Variants in DLC1 observed in about 807,000 individuals in gnomAD.
DLC1 encodes the protein DLC1 Rho GTPase activating protein.
In DLC1, 54 loss-of-function variants were observed where a neutral mutation model predicts 140.3. The observed-to-expected ratio is 0.38, with a 90% CI of 0.31 to 0.48. The LOEUF is 0.48. Ranked by LOEUF, DLC1 falls within the 20% of genes least tolerant of loss-of-function variation. The pLI is 0.96. For missense variants in DLC1, 2,536 were observed against 1,907.0 expected (o/e 1.33, Z -6.14); for synonymous variants, 986 against 728.1 (o/e 1.35, Z -5.70).
intron 1 of DLC1, among the ~76,000 whole-genome samples, chr8:13,507,450 C>A (rs1030356565): frequency 2.0e-5 from 3 of 152,146 alleles, no homozygotes; most frequent in Non-Finnish European, 4.4e-5. Flanking sequence ...TTAAAATATT[C>A]ATGTTATCTA....
Position 13,326,837 on chromosome 8 carries a change from T to C in DLC1, c.1315-21535A>G, listed in dbSNP as rs1833368942. 2.6e-5 allele frequency among the ~76,000 whole-genome samples: 4 copies of C among 152,248 alleles called. No homozygotes were observed. In the South Asian group the frequency reaches 8.3e-4, roughly 31 times the overall value. Reference sequence around the variant, plus strand: ...GCTCTAGGAATCATATTTTGAGAAGTACCGAGCTAGGAGAACATGCTGGTG... The same window carrying C: ...GCTCTAGGAATCATATTTTGAGAAGCACCGAGCTAGGAGAACATGCTGGTG... On this transcript the variant is annotated intron_variant, in intron 4 of 17. Transcript: ENST00000276297.
Position 13,500,159 on chromosome 8 carries a change from C to G in DLC1, c.-88G>C, listed in dbSNP as rs1223688664. On this transcript the variant is annotated 5_prime_UTR_variant, in exon 2 of 18. Coordinates refer to ENST00000276297, the MANE Select transcript of DLC1 (RefSeq NM_182643.3). ...TTGATGAAAGATTATTTCAAAATCA[C>G]CAATCAAAGAAGCGAATGAGTTCTG... 6.5e-6 allele frequency: 8 copies of G among 1,235,426 alleles called. No homozygotes were observed. The highest frequency in any genetic ancestry group is 5.6e-6 in the Non-Finnish European group (5 of 891,478). 76.5% of individuals were successfully genotyped at this position (1,235,426 alleles called of 1,614,324 possible).
intron 5 of DLC1, among the ~76,000 whole-genome samples, chr8:13,158,749 C>CCCCCCCCCCCCA (rs1563120844): frequency 9.8e-6 from 1 of 102,386 alleles, no homozygotes; most frequent in Non-Finnish European, 2.0e-5. Context: ...CCCCCCCCCG[C>CCCCCCCCCCCCA]CCGCCACACA....
intron 5 of DLC1, among the ~76,000 whole-genome samples, chr8:13,172,702 T>C (rs1825551929): frequency 6.6e-6 from 1 of 152,196 alleles, no homozygotes; most frequent in South Asian, 2.1e-4. Context: ...GTGTGGTTGT[T>C]TCTGTTTCAG....
chr8:13,357,605 T>C (rs1387405803), intron 4 of DLC1, among the ~76,000 whole-genome samples: 1 of 152,204 alleles, frequency 6.6e-6, no homozygotes, highest in African/African-American at 2.4e-5. Flanking sequence ...TGTTTATGGT[T>C]TAGCAAGGGT....
chr8:13,307,987 A>G (rs762632697), intron 4 of DLC1, among the ~76,000 whole-genome samples: 3 of 152,218 alleles, frequency 2.0e-5, no homozygotes, highest in Non-Finnish European at 2.9e-5. Flanking sequence ...TGTATGAGAC[A>G]TTTAGGCATT....
At chr8:13,144,225 T>G (rs56835588) in intron 5 of DLC1, among the ~76,000 whole-genome samples, 4,272 of 152,252 alleles carry the variant, frequency 0.028, 197 homozygotes, top group African/African-American at 0.098. Context: ...TGGGGTTGGG[T>G]CACCATCTTG....
At chr8:13,498,056 A>C (rs79633931) in intron 2 of DLC1, among the ~76,000 whole-genome samples, 1 of 152,172 alleles carries the variant, frequency 6.6e-6, no homozygotes, top group African/African-American at 2.4e-5. Flanking sequence ...CAGAACAAAG[A>C]ACATTACTTT....
chr8:13,087,212 G>C (rs540127877), intron 16 of DLC1, among the ~76,000 whole-genome samples: 2 of 152,166 alleles, frequency 1.3e-5, no homozygotes, highest in Non-Finnish European at 2.9e-5. Context: ...GACCAGCCTG[G>C]ACAATATGGT....
At chr8:13,411,320 C>G (rs1178490055) in intron 2 of DLC1, among the ~76,000 whole-genome samples, 3 of 152,136 alleles carry the variant, frequency 2.0e-5, no homozygotes, top group Non-Finnish European at 4.4e-5. Context: ...GACGAGCTAT[C>G]TACTGAATAA....
chr8:13,212,088 A>G (rs1004525171), intron 5 of DLC1, among the ~76,000 whole-genome samples: 1 of 152,236 alleles, frequency 6.6e-6, no homozygotes, highest in Admixed American at 6.5e-5. Flanking sequence ...CAGTTTCAAC[A>G]AGTTATGTTA....
intron 1 of DLC1, among the ~76,000 whole-genome samples, chr8:13,502,112 A>G (rs142434121): frequency 6.4e-4 from 97 of 152,312 alleles, no homozygotes; most frequent in African/African-American, 2.3e-3. Flanking sequence ...GGCAAAAAGA[A>G]TTACACAAAA....
chr8:13,184,162 T>A (rs1041236505), intron 5 of DLC1, among the ~76,000 whole-genome samples: 2 of 152,196 alleles, frequency 1.3e-5, no homozygotes, highest in Non-Finnish European at 2.9e-5. Context: ...GGTGGTGATA[T>A]CCCCTTTATC....
intron 5 of DLC1, among the ~76,000 whole-genome samples, chr8:13,302,675 A>G (rs1292640419): frequency 2.6e-5 from 4 of 151,572 alleles, no homozygotes; most frequent in African/African-American, 9.7e-5. Context: ...GACTTTCTTA[A>G]TAAAGAACAA....
At chr8:13,600,718 A>G (rs1224744284) in intron 1 of DLC1, among the ~76,000 whole-genome samples, 3 of 151,908 alleles carry the variant, frequency 2.0e-5, no homozygotes, top group Non-Finnish European at 4.4e-5. Flanking sequence ...TATTTAAAGT[A>G]AATCTTTTTT....
intron 5 of DLC1, among the ~76,000 whole-genome samples, chr8:13,200,800 G>A (rs1188767522): frequency 6.6e-6 from 1 of 152,060 alleles, no homozygotes; most frequent in African/African-American, 2.4e-5. Flanking sequence ...GACTCACTAT[G>A]CTGCCCAGGC....
intron 5 of DLC1, among the ~76,000 whole-genome samples, chr8:13,136,017 A>G (rs1822538790): frequency 6.6e-6 from 1 of 152,204 alleles, no homozygotes; most frequent in African/African-American, 2.4e-5. Flanking sequence ...GTCTATTGAC[A>G]CAGCCTGTGA....
intron 2 of DLC1, among the ~76,000 whole-genome samples, chr8:13,425,646 T>C (rs560091205): frequency 7.8e-6 from 1 of 127,894 alleles, no homozygotes; most frequent in Non-Finnish European, 1.6e-5. Context: ...TGAGTCAATA[T>C]CATTATTATA....
At chr8:13,460,933 C>T (rs778411603) in intron 2 of DLC1, among the ~76,000 whole-genome samples, 1 of 152,164 alleles carries the variant, frequency 6.6e-6, no homozygotes, top group Non-Finnish European at 1.5e-5. Flanking sequence ...ATATGTAGGG[C>T]TGGGTGCCAA....
Sources: allele counts gnomAD v4.1 joint callset (sites outside exome capture counted in the v4.1 genomes callset), GRCh38; gene constraint gnomAD v4.1.1; transcripts MANE v1.5; gene names NCBI Gene and HGNC (gene_info 2026-07-23, HGNC 2026-07-21).